The following PPARD variants were observed in gnomAD, a reference collection of about 807,000 sequenced individuals.
The protein encoded by PPARD is peroxisome proliferator-activated receptor delta.
In PPARD, 6 loss-of-function variants were observed where a neutral mutation model predicts 39.5. The observed-to-expected ratio is 0.15, with a 90% CI of 0.08 to 0.30. PPARD has a LOEUF of 0.30. Among genes scored for constraint, PPARD ranks in the 10% least tolerant of loss-of-function variants. The pLI, the probability that PPARD is intolerant of heterozygous loss-of-function variation, is 1.00. For synonymous variants in PPARD, 210 were observed against 231.3 expected, an observed-to-expected ratio of 0.91 and a Z score of 0.83; for missense variants, 397 against 596.8, an observed-to-expected ratio of 0.67 and a Z score of 3.49.
At chr6:35,402,840 A>G (rs989040282) in intron 2 of PPARD, among the ~76,000 whole-genome samples, 1 of 152,198 alleles carries the variant, frequency 6.6e-6, no homozygotes, top group Non-Finnish European at 1.5e-5. Flanking sequence ...TTAATGATTG[A>G]TAAGAAAGGT....
intron 4 of PPARD, among the ~76,000 whole-genome samples, chr6:35,420,702 A>G (rs2076169): frequency 0.08 from 12,185 of 152,232 alleles, 693 homozygotes; most frequent in East Asian, 0.25. Context: ...ACACCCATCA[A>G]AATCTCACAG....
chr6:35,424,751 A>G lies in PPARD; in HGVS notation c.1050A>G (p.Leu350=), dbSNP rs1029262828. 6.8e-6 allele frequency: 11 copies of G among 1,614,016 alleles called. No individual in the cohort carries two copies. In the African/African-American group the frequency reaches 1.3e-4, roughly 20 times the overall value. ...ALELDDSDLA[L]FIAAIILCGD... ...AACTTGATGACAGTGACCTGGCCCTATTCATTGCGGCCATCATTCTGTGTG... is the reference window on the plus strand; with the variant it reads ...AACTTGATGACAGTGACCTGGCCCTGTTCATTGCGGCCATCATTCTGTGTG... Residue 350 remains leucine, a synonymous_variant, in exon 7 of 8, where the codon CTA becomes CTG. Coordinates refer to ENST00000360694, the MANE Select transcript of PPARD (RefSeq NM_006238.5). The surrounding 1 kb of genome is among the most constrained non-coding windows in gnomAD (Gnocchi z 7.1).
intron 2 of PPARD, among the ~76,000 whole-genome samples, chr6:35,409,093 T>C (rs1765257217): frequency 6.6e-6 from 1 of 152,198 alleles, no homozygotes; most frequent in South Asian, 2.1e-4. Flanking sequence ...TTGGAAATCA[T>C]ACATCGGCAT....
chr6:35,383,758 G>C (rs973694583), intron 2 of PPARD, among the ~76,000 whole-genome samples: 3 of 142,172 alleles, frequency 2.1e-5, no homozygotes, highest in Non-Finnish European at 1.5e-5. Flanking sequence ...CTGCCCCGCC[G>C]CCCCGTCTGA....
chr6:35,421,133 T>C (rs1232532884), intron 4 of PPARD, among the ~76,000 whole-genome samples: 1 of 150,974 alleles, frequency 6.6e-6, no homozygotes, highest in Non-Finnish European at 1.5e-5. Flanking sequence ...GACCCAATTT[T>C]TGTAGTTTTA....
At chr6:35,415,377 G>A (rs555098764) in intron 3 of PPARD, among the ~76,000 whole-genome samples, 2 of 152,312 alleles carry the variant, frequency 1.3e-5, no homozygotes, top group Admixed American at 1.3e-4. Flanking sequence ...CCAATCGGGC[G>A]CCTCCTGGCT....
In PPARD at chr6:35,355,493, A is replaced by G. The variant is rs183150004; in HGVS notation, c.-102+8343A>G. ...CTCAAGCCGAGGAGGTTGAGGCTGC[A>G]GTGAGCCATATTTGTACCACTGTAC... On this transcript the variant is annotated intron_variant, in intron 2 of 7. Transcript: ENST00000360694. Among the ~76,000 whole-genome samples, 14 of 134,854 alleles carry G rather than the reference A, an allele frequency of 1.0e-4. No homozygotes were observed. In the South Asian group the frequency reaches 1.6e-3, roughly 15 times the overall value. 88.5% of individuals were successfully genotyped at this position (134,854 alleles called of 152,430 possible).
intron 2 of PPARD, among the ~76,000 whole-genome samples, chr6:35,365,392 G>A (rs557807745): frequency 6.0e-5 from 9 of 150,388 alleles, no homozygotes; most frequent in Non-Finnish European, 1.0e-4. Flanking sequence ...CGCCCGCCTC[G>A]GCCTCCCAAA....
chr6:35,347,375 CCA>C, intron 2 of PPARD, among the ~76,000 whole-genome samples: 1 of 152,182 alleles, frequency 6.6e-6, no homozygotes, highest in East Asian at 1.9e-4. Context: ...ATGGAGATTC[CCA>C]CCTTTGCGCC....
intron 3 of PPARD, among the ~76,000 whole-genome samples, chr6:35,419,197 G>A (rs146087105): frequency 1.1e-3 from 174 of 152,304 alleles, no homozygotes; most frequent in Non-Finnish European, 2.0e-3. Context: ...GAAGAGTGCA[G>A]AGGTTGGACG....
At chr6:35,396,353 C>T (rs551466812) in intron 2 of PPARD, among the ~76,000 whole-genome samples, 32 of 151,232 alleles carry the variant, frequency 2.1e-4, no homozygotes, top group Admixed American at 1.3e-3. Flanking sequence ...TATAGGCGCC[C>T]GCCACCACGC....
chr6:35,359,438 T>A (rs1245149475), intron 2 of PPARD, among the ~76,000 whole-genome samples: 1 of 152,132 alleles, frequency 6.6e-6, no homozygotes, highest in African/African-American at 2.4e-5. Flanking sequence ...TTCTGAATGA[T>A]GAAAGCAGTT....
intron 3 of PPARD, among the ~76,000 whole-genome samples, chr6:35,416,374 CAAAAA>C (rs1170617869): frequency 8.0e-4 from 42 of 52,608 alleles, no homozygotes; most frequent in African/African-American, 2.0e-3. Flanking sequence ...GACTTCATCT[CAAAAA>C]AAAAAAAAAA....
chr6:35,391,191 T>A (rs1763983197), intron 2 of PPARD, among the ~76,000 whole-genome samples: 2 of 152,182 alleles, frequency 1.3e-5, no homozygotes, highest in African/African-American at 4.8e-5. Context: ...TAACACAAAA[T>A]GAATACCAAA....
chr6:35,364,196 G>A (rs528213723), intron 2 of PPARD, among the ~76,000 whole-genome samples: 11 of 152,032 alleles, frequency 7.2e-5, no homozygotes, highest in Non-Finnish European at 1.3e-4. Context: ...GCATGTTTTC[G>A]AGGTTCATCC....
chr6:35,397,310 C>T (rs1361503179), intron 2 of PPARD, among the ~76,000 whole-genome samples: 1 of 152,000 alleles, frequency 6.6e-6, no homozygotes, highest in African/African-American at 2.4e-5. Flanking sequence ...CCAGTGCTGC[C>T]TCCCCATGGG....
At chr6:35,407,607 A>AT (rs1327297969) in intron 2 of PPARD, among the ~76,000 whole-genome samples, 1 of 152,002 alleles carries the variant, frequency 6.6e-6, no homozygotes, top group African/African-American at 2.4e-5. Flanking sequence ...GCACATGTAT[A>AT]TATAGGTAAC....
chr6:35,423,137 G>A (rs891937640), intron 5 of PPARD, among the ~76,000 whole-genome samples: 1 of 151,836 alleles, frequency 6.6e-6, no homozygotes, highest in East Asian at 1.9e-4. Context: ...AGGCTGAGGC[G>A]GGAGGATCAC....
intron 2 of PPARD, among the ~76,000 whole-genome samples, chr6:35,400,455 A>G (rs1402858450): frequency 6.6e-6 from 1 of 152,102 alleles, no homozygotes; most frequent in African/African-American, 2.4e-5. Context: ...TGCTCTACCA[A>G]CTGAGCTAGC....
Sources: gnomAD v4.1 joint callset for allele counts (sites outside exome capture counted in the v4.1 genomes callset) on GRCh38, gnomAD v4.1.1 for gene constraint, Gnocchi (gnomAD v3.1) non-coding constraint, MANE v1.5 for transcripts, NCBI Gene and HGNC (gene_info 2026-07-23, HGNC 2026-07-21) for gene names.